The following ZNF423 variants were observed in gnomAD, a reference collection of about 807,000 sequenced individuals.
ZNF423 encodes the protein zinc finger protein 423.
A neutral mutation model predicts 95.8 loss-of-function variants in ZNF423; 12 were observed. The ratio of observed to expected loss-of-function variants is 0.13; its 90% CI spans 0.08 to 0.20. The LOEUF (loss-of-function observed/expected upper bound fraction) is 0.20, where lower values mean the gene tolerates loss of function less well. Ranked by LOEUF, ZNF423 falls within the 10% of genes least tolerant of loss-of-function variation. The probability of loss-of-function intolerance (pLI) is 1.00; values close to 1 mark genes in which losing one functional copy is unlikely to be tolerated. For synonymous variants in ZNF423, 749 were observed against 711.9 expected (o/e 1.05, Z -0.83); for missense variants, 1,316 against 1,737.1 (o/e 0.76, Z 4.31).
intron 1 of ZNF423, among the ~76,000 whole-genome samples, chr16:49,816,183 T>C (rs1239660164): frequency 1.3e-5 from 2 of 151,908 alleles, no homozygotes; most frequent in Admixed American, 1.3e-4. Context: ...CTTCCCAAAG[T>C]GCTGGGATTG....
At chr16:49,499,133 T>C (rs1967281453) in intron 7 of ZNF423, among the ~76,000 whole-genome samples, 1 of 152,196 alleles carries the variant, frequency 6.6e-6, no homozygotes, top group African/African-American at 2.4e-5. Flanking sequence ...GGGCAAGGTT[T>C]GCCCGAGTGG....
At position 49,487,836 on chromosome 16, in the gene ZNF423, G is replaced by A. The variant is rs1966870100; in HGVS notation, c.*3439C>T. ...ACTGCCCACCTCCCTTATTTCTTCA[G>A]GTCTCAAGCCCCTGCCTCAGCAAGG... is the stretch of plus-strand genomic sequence containing the variant. On this transcript the variant is annotated 3_prime_UTR_variant, in exon 8 of 8. Coordinates refer to ENST00000563137, the MANE Select transcript of ZNF423 (RefSeq NM_001379286.1). The A allele has an allele frequency of 6.6e-6, 1 of 152,210 alleles. No individual in the cohort carries two copies. The highest frequency in any genetic ancestry group is 2.4e-5 in the African/African-American group (1 of 41,448). The allele number at this position is 152,210 out of a possible 1,614,324, so 9.4% of individuals were successfully genotyped here. A position where few individuals can be genotyped will look rare whatever the true frequency, so the allele number is the denominator to read the frequency against.
At chr16:49,560,317 C>T (rs1969974015) in intron 5 of ZNF423, among the ~76,000 whole-genome samples, 1 of 152,104 alleles carries the variant, frequency 6.6e-6, no homozygotes, top group African/African-American at 2.4e-5. Flanking sequence ...AACCCAGGCC[C>T]CAAGTGGCTC....
At chr16:49,819,294 C>CAGG (rs955966775) in intron 1 of ZNF423, among the ~76,000 whole-genome samples, 1 of 151,176 alleles carries the variant, frequency 6.6e-6, no homozygotes, top group African/African-American at 2.4e-5. Context: ...TCCCACTAGC[C>CAGG]AGGTTTCAAA....
chr16:49,815,770 A>C (rs2034826469), intron 1 of ZNF423, among the ~76,000 whole-genome samples: 1 of 151,012 alleles, frequency 6.6e-6, no homozygotes, highest in African/African-American at 2.4e-5. Context: ...CTCACTGTAC[A>C]GGAACTTGAT....
chr16:49,857,306 T>TGACGGC (rs1555491036), upstream of ZNF423, among the ~76,000 whole-genome samples: 3 of 144,354 alleles, frequency 2.1e-5, no homozygotes, highest in Admixed American at 2.1e-4. This position sits in a 1 kb window ranked among gnomAD's most constrained non-coding sequence, Gnocchi z 6.2. Context: ...CGGACCGTGG[T>TGACGGC]GGCGGCGGCG....
chr16:49,832,464 T>C (rs1489476882), intron 1 of ZNF423, among the ~76,000 whole-genome samples: 2 of 151,236 alleles, frequency 1.3e-5, no homozygotes. Flanking sequence ...CCAGCCAATA[T>C]GGACATCAGG....
chr16:49,715,126 C>T (rs2032664532), intron 3 of ZNF423, among the ~76,000 whole-genome samples: 1 of 152,186 alleles, frequency 6.6e-6, no homozygotes, highest in South Asian at 2.1e-4. Context: ...AGGCCAGAGA[C>T]AGGAACAGGC....
intron 4 of ZNF423, among the ~76,000 whole-genome samples, chr16:49,630,114 C>T (rs959214422): frequency 6.6e-6 from 1 of 152,136 alleles, no homozygotes; most frequent in African/African-American, 2.4e-5. Context: ...CATGGAAAGG[C>T]CCTGGGAAGA....
intron 6 of ZNF423, among the ~76,000 whole-genome samples, chr16:49,524,511 C>T (rs1005786016): frequency 5.3e-5 from 8 of 152,174 alleles, no homozygotes; most frequent in Admixed American, 1.3e-4. Context: ...TCTGGGGAGC[C>T]CCAGGGGTGT....
At chr16:49,767,838 G>A (rs2033957111) in intron 2 of ZNF423, among the ~76,000 whole-genome samples, 1 of 152,148 alleles carries the variant, frequency 6.6e-6, no homozygotes, top group Non-Finnish European at 1.5e-5. Flanking sequence ...CCTGACACTT[G>A]GGCCTTTGTA....
In ZNF423 at chr16:49,502,943, C is replaced by CACAT. The variant is rs1392780193; in HGVS notation, c.3850-11640_3850-11639insATGT. The stretch of plus-strand genomic sequence containing the variant: ...ACACACACACACACACACACACACA[C>CACAT]ATGGATGCCCCACAATCCCATGCAC... On this transcript the variant is annotated intron_variant, in intron 7 of 7. Coordinates refer to ENST00000563137, the MANE Select transcript of ZNF423 (RefSeq NM_001379286.1). 2.9e-4 allele frequency among the ~76,000 whole-genome samples: 42 copies of CACAT among 143,712 alleles called. 1 individual carries two copies. The highest frequency in any genetic ancestry group is 1.1e-3 in the African/African-American group (40 of 37,606). 94.3% of individuals were successfully genotyped at this position (143,712 alleles called of 152,430 possible). A position where few individuals can be genotyped will look rare whatever the true frequency, so the allele number is the denominator to read the frequency against.
chr16:49,693,297 T>C (rs549929473), intron 3 of ZNF423, among the ~76,000 whole-genome samples: 2 of 152,288 alleles, frequency 1.3e-5, no homozygotes, highest in Admixed American at 1.3e-4. Context: ...ATGAGGTATA[T>C]GCTATCGTTA....
intron 2 of ZNF423, among the ~76,000 whole-genome samples, chr16:49,778,968 A>C (rs1307854269): frequency 6.6e-6 from 1 of 152,224 alleles, no homozygotes; most frequent in Non-Finnish European, 1.5e-5. Context: ...ATGAAATGAC[A>C]GGGAGGTTTA....
chr16:49,527,534 G>A (rs1968662441), intron 5 of ZNF423, among the ~76,000 whole-genome samples: 4 of 152,096 alleles, frequency 2.6e-5, no homozygotes, highest in Admixed American at 2.6e-4. Flanking sequence ...TAGGATCAAG[G>A]AAAGAAAGAG....
At position 49,522,186 on chromosome 16, in the gene ZNF423, C is replaced by G. The variant is rs1968427914; in HGVS notation, c.3849+1438G>C. Among the ~76,000 whole-genome samples, 4 of 152,314 alleles carry G rather than the reference C, an allele frequency of 2.6e-5. No individual in the cohort carries two copies. The South Asian group carries it at 8.3e-4, about 32-fold the overall frequency. ...GTAGGGTCCCCCCTGGAGGGCCAAA[C>G]TGGTGTGTGTGAGTCCTTAGGGCTC... On this transcript the variant is annotated intron_variant, in intron 7 of 7. Transcript: ENST00000563137.
chr16:49,506,312 T>A (rs978200318), intron 7 of ZNF423, among the ~76,000 whole-genome samples: 1 of 151,574 alleles, frequency 6.6e-6, no homozygotes, highest in African/African-American at 2.4e-5. Context: ...TATGGGGGAA[T>A]GGATGGTAGA....
chr16:49,496,871 G>C (rs763480260), intron 7 of ZNF423, among the ~76,000 whole-genome samples: 11 of 152,184 alleles, frequency 7.2e-5, no homozygotes, highest in Non-Finnish European at 1.2e-4. Context: ...TGTGGGACCA[G>C]GCACGATTGG....
intron 5 of ZNF423, among the ~76,000 whole-genome samples, chr16:49,559,033 C>T (rs1969933316): frequency 6.6e-6 from 1 of 152,216 alleles, no homozygotes; most frequent in Non-Finnish European, 1.5e-5. Context: ...CCTTGGACAT[C>T]CCTGGCCCAG....
Sources: gnomAD v4.1 joint callset for allele counts (sites outside exome capture counted in the v4.1 genomes callset) on GRCh38, gnomAD v4.1.1 for gene constraint, Gnocchi (gnomAD v3.1) non-coding constraint, MANE v1.5 for transcripts, NCBI Gene and HGNC (gene_info 2026-07-23, HGNC 2026-07-21) for gene names.